ACP7: variants seen among roughly 807,000 people sequenced by gnomAD.
The protein encoded by ACP7 is acid phosphatase 7, tartrate resistant (putative), also known as acid phosphatase type 7.
ACP7 carries 58 observed loss-of-function variants against 60.6 expected under a neutral mutation model. The ratio of observed to expected loss-of-function variants is 0.96; its 90% CI spans 0.77 to 1.19. The LOEUF is 1.19. ACP7 is among the 50% of genes most tolerant of loss of function. The probability of loss-of-function intolerance (pLI) is 0.00; values close to 1 mark genes in which losing one functional copy is unlikely to be tolerated. For synonymous variants in ACP7, 237 were observed against 232.6 expected (o/e 1.02, Z -0.17); for missense variants, 574 against 596.2 (o/e 0.96, Z 0.39).
Position 39,100,796 on chromosome 19 carries a change from C to T in ACP7, c.750C>T (p.Leu250=). ...ISFSTEVYFF[L]HYGRHLVQRQ... is the part of the protein sequence containing the mutation. ...TCTCCACCGAGGTCTATTTCTTTCT[C>T]CATTATGGCCGCCACTTGGTACAGA... The change falls in exon 7 of 13, where the codon CTC becomes CTT. Residue 250 remains leucine (L), a synonymous_variant. Coordinates refer to ENST00000331256, the MANE Select transcript of ACP7 (RefSeq NM_001004318.3). The T allele has an allele frequency of 6.2e-7, 1 of 1,614,014 alleles. No homozygotes were observed. Among genetic ancestry groups the T allele is most frequent in the Non-Finnish European group, 8.5e-7 (1 of 1,180,000 alleles).
Position 39,084,720 on chromosome 19 carries a change from C to T in ACP7, c.-179+320C>T, listed in dbSNP as rs536884462. 2.0e-5 allele frequency among the ~76,000 whole-genome samples: 3 copies of T among 152,006 alleles called. No individual in the cohort carries two copies. In the South Asian group the frequency reaches 6.2e-4, roughly 32 times the overall value. On this transcript the variant is annotated intron_variant, in intron 1 of 12. Coordinates refer to ENST00000331256, the MANE Select transcript of ACP7 (RefSeq NM_001004318.3). ...GGAATCTCGGGAGTAGGTAGGAGAA[C>T]TGGGGTTTCTAACAGCAGGATGGAA...
chr19:39,087,748 T>C (rs1218169155), intron 2 of ACP7, among the ~76,000 whole-genome samples: 2 of 151,846 alleles, frequency 1.3e-5, no homozygotes, highest in Non-Finnish European at 2.9e-5. Context: ...ATTCTCCTGC[T>C]TCAGCCTCCC....
intron 11 of ACP7, among the ~76,000 whole-genome samples, 180 bp from the exon 12 acceptor site, chr19:39,106,767 G>A (rs2073414897): frequency 1.3e-5 from 2 of 152,082 alleles, no homozygotes; most frequent in South Asian, 2.1e-4. Flanking sequence ...CAAGTGATCC[G>A]CCCTTCTTGG....
chr19:39,109,685 TAAAAAAAAA>T (rs34682645), intron 12 of ACP7, among the ~76,000 whole-genome samples: 2 of 65,502 alleles, frequency 3.1e-5, no homozygotes, highest in Non-Finnish European at 5.2e-5. Context: ...AGACTCTGTC[TAAAAAAAAA>T]AAAAAAAAAA....
rs2073454873 is a variant in ACP7 at position 39,110,169 on chromosome 19, T to A, written c.*51T>A. 1.3e-6 allele frequency: 2 copies of A among 1,560,122 alleles called. No homozygotes were observed. The highest frequency in any genetic ancestry group is 1.8e-6 in the Non-Finnish European group (2 of 1,133,044). Reference sequence around the variant, plus strand: ...GCCTAGGTTTTGCCGCCTTGGCTGCTGTGACCAGAAACTGCCCAGGCCTGG... The same window carrying A: ...GCCTAGGTTTTGCCGCCTTGGCTGCAGTGACCAGAAACTGCCCAGGCCTGG... On this transcript the variant is annotated 3_prime_UTR_variant, in exon 13 of 13. Transcript: ENST00000331256.
chr19:39,109,242 A>G (rs1331479537), intron 12 of ACP7, among the ~76,000 whole-genome samples: 1 of 152,172 alleles, frequency 6.6e-6, no homozygotes, highest in East Asian at 1.9e-4. Flanking sequence ...CAGTTGGAGG[A>G]CGGCCAAGCT....
intron 5 of ACP7, 36 bp from the exon 6 acceptor site, chr19:39,100,544 C>T: frequency 1.9e-6 from 3 of 1,610,810 alleles, no homozygotes; most frequent in Non-Finnish European, 2.5e-6. Flanking sequence ...GAAATTCAGT[C>T]CTTCACCTCC....
At chr19:39,109,370 A>G (rs1045850029) in intron 12 of ACP7, among the ~76,000 whole-genome samples, 4 of 152,106 alleles carry the variant, frequency 2.6e-5, no homozygotes, top group Non-Finnish European at 5.9e-5. Flanking sequence ...TGCATTGCAT[A>G]GAACATGGAA....
intron 2 of ACP7, among the ~76,000 whole-genome samples, chr19:39,095,105 C>T (rs190054526): frequency 1.1e-3 from 167 of 152,252 alleles, no homozygotes; most frequent in African/African-American, 3.7e-3. Flanking sequence ...ATCATTTTGC[C>T]TCTGGCCCCT....
chr19:39,094,747 A>AATAT (rs2073247380), intron 2 of ACP7, among the ~76,000 whole-genome samples: 1 of 152,130 alleles, frequency 6.6e-6, no homozygotes, highest in South Asian at 2.1e-4. Flanking sequence ...GGATCACTTG[A>AATAT]ACCCAGGAGG....
rs2073127648 is a variant in ACP7 at position 39,085,268 on chromosome 19, C to T, written c.-2C>T. On this transcript the variant is annotated 5_prime_UTR_variant, in exon 2 of 13. Coordinates refer to ENST00000331256, the MANE Select transcript of ACP7 (RefSeq NM_001004318.3). ...CCGGTCTGCCATCACCACCCCACCA[C>T]CATGCACCCCCTTCCTGGCTACTGG... 1 of 1,611,640 alleles carries T rather than the reference C, an allele frequency of 6.2e-7. No homozygotes were observed. Among genetic ancestry groups the T allele is most frequent in the African/African-American group, 1.3e-5 (1 of 74,878 alleles).
intron 2 of ACP7, among the ~76,000 whole-genome samples, 183 bp from the exon 3 acceptor site, chr19:39,098,275 A>AAAAAAAAAAAAAAAG (rs2073292655): frequency 7.9e-6 from 1 of 126,634 alleles, no homozygotes; most frequent in African/African-American, 2.9e-5. Flanking sequence ...AAAAAAAAAA[A>AAAAAAAAAAAAAAAG]AAAAGAAAAG....
chr19:39,101,619 G>T (rs991490464), intron 11 of ACP7, 82 bp downstream of exon 11: 14 of 1,453,330 alleles, frequency 9.6e-6, no homozygotes, highest in Non-Finnish European at 1.2e-5. Flanking sequence ...CTGAGTGCTG[G>T]GTGCTTTATA....
intron 4 of ACP7, 48 bp downstream of exon 4, chr19:39,099,190 A>AGGGATGGTGGG (rs2073310686): frequency 1.6e-6 from 2 of 1,273,186 alleles, no homozygotes; most frequent in Non-Finnish European, 2.0e-6. Context: ...GGGCGCGCGC[A>AGGGATGGTGGG]GGGATGGTGG....
At chr19:39,099,916 C>G (rs2073319177) in intron 4 of ACP7, among the ~76,000 whole-genome samples, 6 of 150,306 alleles carry the variant, frequency 4.0e-5, no homozygotes. Flanking sequence ...CCGCTTGAAC[C>G]CAGGAGGCAG....
chr19:39,102,159 A>C (rs1012812532), intron 11 of ACP7, among the ~76,000 whole-genome samples: 17 of 107,446 alleles, frequency 1.6e-4, no homozygotes, highest in South Asian at 6.1e-4. Flanking sequence ...CACACACACA[A>C]AAGATACTGG....
intron 4 of ACP7, among the ~76,000 whole-genome samples, chr19:39,099,459 G>C (rs1385892553): frequency 2.0e-5 from 3 of 152,174 alleles, no homozygotes; most frequent in Non-Finnish European, 4.4e-5. Context: ...ACGTTAGTTC[G>C]CTTTGCCTCG....
At chr19:39,106,422 G>A (rs747298551) in intron 11 of ACP7, among the ~76,000 whole-genome samples, 3 of 152,226 alleles carry the variant, frequency 2.0e-5, no homozygotes, top group Admixed American at 1.3e-4. Flanking sequence ...GTAGTGGGCA[G>A]CCTTACACAG....
intron 2 of ACP7, among the ~76,000 whole-genome samples, chr19:39,089,863 G>C (rs1253893605): frequency 6.6e-6 from 1 of 152,214 alleles, no homozygotes; most frequent in African/African-American, 2.4e-5. Flanking sequence ...ATGTGGCTGT[G>C]ACTTATTGCT....
Sources: gnomAD v4.1 joint callset for allele counts (sites outside exome capture counted in the v4.1 genomes callset) on GRCh38, gnomAD v4.1.1 for gene constraint, MANE v1.5 for transcripts, NCBI Gene and HGNC (gene_info 2026-07-23, HGNC 2026-07-21) for gene names.